Variants in NAA16 observed in about 807,000 individuals in gnomAD.
NAA16 encodes N-alpha-acetyltransferase 16, NatA auxiliary subunit.
In NAA16, 97 loss-of-function variants were observed where a neutral mutation model predicts 110.3. The observed-to-expected ratio is 0.88, with a 90% CI of 0.75 to 1.04. The LOEUF (loss-of-function observed/expected upper bound fraction) is 1.04, where lower values mean the gene tolerates loss of function less well. Ranked by LOEUF, NAA16 falls within the 50% of genes least tolerant of loss-of-function variation. NAA16 has a pLI of 0.00. For missense variants in NAA16, 1,017 were observed against 1,005.1 expected (o/e 1.01, Z -0.16); for synonymous variants, 372 against 330.6 (o/e 1.13, Z -1.36).
rs766952157 is a variant in NAA16 at position 41,318,842 on chromosome 13, T to C, written c.176T>C (p.Leu59Ser). The C allele has an allele frequency of 7.5e-6, 12 of 1,603,650 alleles. No homozygotes were observed. Among genetic ancestry groups the C allele is most frequent in the Non-Finnish European group, 1.0e-5 (12 of 1,175,540 alleles). Residue 59 changes from leucine to serine, a missense_variant, in exon 3 of 20, where the codon TTA becomes TCA. By Grantham distance (145) the Leu-to-Ser change is moderately radical. Coordinates refer to ENST00000379406, the MANE Select transcript of NAA16 (RefSeq NM_024561.5). ...ATGAAAGGATTAACACTGAACTGTT[T>C]AGGAAAAAAAGAAGAAGCTTATGAG... Reference protein sequence around the residue: ...LAMKGLTLNCLGKKEEAYEFV... With the variant: ...LAMKGLTLNCSGKKEEAYEFV...
At chr13:41,368,970 G>A (rs1458624179) in intron 14 of NAA16, 120 bp from the exon 15 acceptor site, 16 of 731,734 alleles carry the variant, frequency 2.2e-5, no homozygotes, top group Non-Finnish European at 3.3e-5. Context: ...TGGGGGTGGG[G>A]GTCATGAACC....
intron 10 of NAA16, among the ~76,000 whole-genome samples, chr13:41,357,013 T>A (rs556353745): frequency 2.6e-5 from 4 of 152,320 alleles, no homozygotes; most frequent in African/African-American, 7.2e-5. Context: ...CCTGTTATAC[T>A]CATTAAAAAG....
At chr13:41,364,745 C>T (rs1006755752) in intron 13 of NAA16, among the ~76,000 whole-genome samples, 1 of 152,140 alleles carries the variant, frequency 6.6e-6, no homozygotes, top group African/African-American at 2.4e-5. Flanking sequence ...ACTTTATCTT[C>T]TATTGTATCT....
In NAA16 at chr13:41,345,891, A is replaced by G. The variant is rs1350020868; in HGVS notation, c.1014+9135A>G. On this transcript the variant is annotated intron_variant, in intron 9 of 19. Transcript: ENST00000379406. ...GCCGGGCCAGAAGTTTTAAAAATATATTCTAGATACAAGTCTCTCATCAGA... is the reference window on the plus strand; with the variant it reads ...GCCGGGCCAGAAGTTTTAAAAATATGTTCTAGATACAAGTCTCTCATCAGA... Among the ~76,000 whole-genome samples, 5 of 152,242 alleles carry G rather than the reference A, an allele frequency of 3.3e-5. No homozygotes were observed. In the East Asian group the frequency reaches 7.7e-4, roughly 23 times the overall value.
At chr13:41,342,121 C>T (rs566051182) in intron 9 of NAA16, among the ~76,000 whole-genome samples, 25 of 150,520 alleles carry the variant, frequency 1.7e-4, no homozygotes, top group South Asian at 1.5e-3. Context: ...CGTGAGCCAC[C>T]GCACCGGGCC....
At position 41,348,194 on chromosome 13, in the gene NAA16, A is replaced by G. The variant is rs571607949; in HGVS notation, c.1015-6950A>G. ...TTTTTATTTTTTTTTTCAAGATGCA[A>G]TCTCACTCTGTCACCCGGGCTGGAG... On this transcript the variant is annotated intron_variant, in intron 9 of 19. Coordinates refer to ENST00000379406, the MANE Select transcript of NAA16 (RefSeq NM_024561.5). Among the ~76,000 whole-genome samples the G allele has an allele frequency of 2.6e-4, 39 of 151,832 alleles. No individual in the cohort carries two copies. The Middle Eastern group carries it at 0.01, about 40-fold the overall frequency.
chr13:41,338,250 A>G (rs2042436208), intron 9 of NAA16, among the ~76,000 whole-genome samples: 1 of 152,226 alleles, frequency 6.6e-6, no homozygotes, highest in Admixed American at 6.5e-5. Context: ...TGCAGCAGCT[A>G]CTGACTACAG....
In NAA16 at chr13:41,338,362, G is replaced by T. The variant is rs1240433108; in HGVS notation, c.1014+1606G>T. Among the ~76,000 whole-genome samples the T allele has an allele frequency of 3.9e-5, 6 of 152,018 alleles. No homozygotes were observed. In the East Asian group the frequency reaches 1.2e-3, roughly 29 times the overall value. On this transcript the variant is annotated intron_variant, in intron 9 of 19. Transcript: ENST00000379406. ...ACTTTTTAAAAATTCTTCTAATATT[G>T]ATCCAAAGTTGCCATTACAAAAATG...
chr13:41,353,768 TACACAC>T (rs58020530), intron 9 of NAA16, among the ~76,000 whole-genome samples: 1,814 of 146,530 alleles, frequency 0.012, 27 homozygotes, highest in East Asian at 0.036. Context: ...CCCTGTCTCT[TACACAC>T]ACACACACAC....
chr13:41,327,226 A>C (rs1397028322), intron 6 of NAA16, among the ~76,000 whole-genome samples: 1 of 151,456 alleles, frequency 6.6e-6, no homozygotes. Context: ...ACACTTTTAA[A>C]AGTTATTGAT....
intron 12 of NAA16, among the ~76,000 whole-genome samples, chr13:41,360,281 T>C (rs1314463293): frequency 6.6e-6 from 1 of 152,188 alleles, no homozygotes; most frequent in African/African-American, 2.4e-5. Flanking sequence ...GAAATGCTCA[T>C]TGGAGCATTT....
At chr13:41,315,730 T>TATAA (rs2041791840) in intron 1 of NAA16, among the ~76,000 whole-genome samples, 2 of 152,176 alleles carry the variant, frequency 1.3e-5, no homozygotes, top group Admixed American at 1.3e-4. Context: ...CAAAGGCTTT[T>TATAA]AGTGCAGTTT....
intron 9 of NAA16, among the ~76,000 whole-genome samples, chr13:41,339,866 A>G (rs1360825432): frequency 6.6e-6 from 1 of 152,146 alleles, no homozygotes; most frequent in African/African-American, 2.4e-5. Flanking sequence ...ACTAAGTTGC[A>G]TAAGGTTTTT....
intron 9 of NAA16, among the ~76,000 whole-genome samples, chr13:41,350,185 C>T (rs1286369028): frequency 1.3e-5 from 2 of 151,836 alleles, no homozygotes; most frequent in Non-Finnish European, 2.9e-5. Context: ...CCACTTGAGC[C>T]TGGAAGGTTG....
Position 41,331,396 on chromosome 13 carries a change from T to A in NAA16, c.907+27T>A, listed in dbSNP as rs543650040. The A allele has an allele frequency of 3.0e-5, 43 of 1,415,942 alleles. No homozygotes were observed. The South Asian group carries it at 4.9e-4, about 16-fold the overall frequency. 87.7% of individuals were successfully genotyped at this position (1,415,942 alleles called of 1,614,324 possible). ...TAATATTAAGATGTCTTTTATAATA[T>A]TAATTATTTGTCAGAATTACTCAAT... On this transcript the variant is annotated intron_variant, in intron 8 of 19. Coordinates refer to ENST00000379406, the MANE Select transcript of NAA16 (RefSeq NM_024561.5).
intron 9 of NAA16, among the ~76,000 whole-genome samples, chr13:41,343,870 C>CA (rs1443561585): frequency 6.6e-6 from 1 of 152,078 alleles, no homozygotes; most frequent in African/African-American, 2.4e-5. Context: ...GGTGGGGTCT[C>CA]ACTGTTGCCC....
At chr13:41,334,817 A>T (rs2042334551) in intron 8 of NAA16, among the ~76,000 whole-genome samples, 2 of 152,200 alleles carry the variant, frequency 1.3e-5, no homozygotes, top group Non-Finnish European at 2.9e-5. Context: ...TCCTGAAGAC[A>T]TCCATTGTGA....
intron 15 of NAA16, among the ~76,000 whole-genome samples, chr13:41,370,407 C>T (rs897180872): frequency 6.6e-6 from 1 of 152,090 alleles, no homozygotes; most frequent in Non-Finnish European, 1.5e-5. Context: ...GGAAAATAAG[C>T]GAACACCAGG....
At chr13:41,352,853 C>A (rs906972999) in intron 9 of NAA16, among the ~76,000 whole-genome samples, 1 of 151,984 alleles carries the variant, frequency 6.6e-6, no homozygotes, top group African/African-American at 2.4e-5. Context: ...TATTTATATT[C>A]TTTTATGAAG....
Sources: allele counts gnomAD v4.1 joint callset (sites outside exome capture counted in the v4.1 genomes callset), GRCh38; gene constraint gnomAD v4.1.1; transcripts MANE v1.5; gene names NCBI Gene and HGNC (gene_info 2026-07-23, HGNC 2026-07-21).